Variants in ABCA10 observed in about 807,000 individuals in gnomAD.
ABCA10 encodes the protein ATP binding cassette subfamily A member 10, also known as ATP-binding cassette sub-family A member 10.
Under a neutral mutation model 187.5 loss-of-function variants are expected in ABCA10, and 169 were observed. The observed-to-expected ratio is 0.90, with a 90% CI of 0.80 to 1.02. ABCA10 has a LOEUF of 1.02. ABCA10 is among the 50% of genes least tolerant of loss of function. The pLI, the probability that ABCA10 is intolerant of heterozygous loss-of-function variation, is 0.00. For synonymous variants in ABCA10, 574 were observed against 601.8 expected (o/e 0.95, Z 0.68); for missense variants, 1,727 against 1,812.4 (o/e 0.95, Z 0.86).
In ABCA10 at chr17:69,181,993, C is replaced by T. The variant is rs563212417; in HGVS notation, c.2769+160G>A. Among the ~76,000 whole-genome samples the T allele has an allele frequency of 8.5e-5, 13 of 152,140 alleles. No individual in the cohort carries two copies. The South Asian group carries it at 2.7e-3, about 32-fold the overall frequency. On this transcript the variant is annotated intron_variant, in intron 22 of 38. Coordinates refer to ENST00000690296, the MANE Select transcript of ABCA10 (RefSeq NM_001377321.1). The stretch of plus-strand genomic sequence containing the variant: ...ATTCTATAAAGTAGGTACTATTACG[C>T]TCCCTACTTTGCAGATGAAGACACA...
intron 18 of ABCA10, among the ~76,000 whole-genome samples, chr17:69,188,201 T>C (rs1022812658): frequency 3.9e-5 from 6 of 152,162 alleles, no homozygotes; most frequent in Non-Finnish European, 1.5e-5. Flanking sequence ...CAAATTTATG[T>C]AGCTGAGTTT....
At chr17:69,194,761 T>A (rs1250588322) in intron 11 of ABCA10, among the ~76,000 whole-genome samples, 1 of 152,180 alleles carries the variant, frequency 6.6e-6, no homozygotes, top group Non-Finnish European at 1.5e-5. Context: ...TCTATACACT[T>A]AATATTAAAT....
rs751253340 is a variant in ABCA10, at chr17:69,152,454, G to A, written c.4164C>T (p.Asn1388=). Residue 1388 remains asparagine (N), a synonymous_variant, in exon 35 of 39, where the codon AAC becomes AAT. Coordinates refer to ENST00000690296, the MANE Select transcript of ABCA10 (RefSeq NM_001377321.1). The part of the protein sequence containing the change: ...MWQILQATVK[N]KERGTLLTTH... ...TGGTCAAGAGGGTGCCCCTCTCCTT[G>A]TTTTTAACGGTAGCCTGAAGTATCT... The A allele has an allele frequency of 6.2e-7, 1 of 1,613,688 alleles. No homozygotes were observed. The highest frequency in any genetic ancestry group is 8.5e-7 in the Non-Finnish European group (1 of 1,179,812).
At chr17:69,152,231 C>T (rs1382905677) in intron 35 of ABCA10, 48 bp from the exon 36 acceptor site, 1 of 1,585,204 alleles carries the variant, frequency 6.3e-7, no homozygotes, top group Non-Finnish European at 8.5e-7. Flanking sequence ...TAATTTCTTC[C>T]TCGGTTCTCA....
chr17:69,187,984 GT>G, intron 18 of ABCA10, 105 bp from the exon 19 acceptor site: 1 of 986,718 alleles, frequency 1.0e-6, no homozygotes, highest in Non-Finnish European at 1.5e-6. Flanking sequence ...CTTCCAACAA[GT>G]TAAGCTACTG....
intron 36 of ABCA10, 27 bp downstream of exon 36, chr17:69,152,016 G>A (rs1233559114): frequency 1.9e-6 from 3 of 1,597,658 alleles, no homozygotes; most frequent in Admixed American, 1.8e-5. Context: ...ACTCATACTT[G>A]TCACTCAAAC....
intron 1 of ABCA10, among the ~76,000 whole-genome samples, chr17:69,241,496 C>T (rs1050855706): frequency 1.3e-5 from 2 of 152,200 alleles, no homozygotes; most frequent in South Asian, 2.1e-4. Flanking sequence ...CATTGAATGT[C>T]AATAAAATGT....
intron 25 of ABCA10, among the ~76,000 whole-genome samples, chr17:69,172,344 A>G (rs142962862): frequency 1.9e-4 from 29 of 152,310 alleles, no homozygotes; most frequent in African/African-American, 6.5e-4. Context: ...TGGGTAATTA[A>G]GTTTAAAGGA....
At position 69,187,881 on chromosome 17, in the gene ABCA10, T is replaced by A; in HGVS notation, c.2132-2A>T. 2 of 1,612,314 alleles carry A rather than the reference T, an allele frequency of 1.2e-6. No individual in the cohort carries two copies. Among genetic ancestry groups the A allele is most frequent in the Non-Finnish European group, 1.7e-6 (2 of 1,178,596 alleles). On this transcript the variant is annotated splice_acceptor_variant, in intron 18 of 38. Transcript: ENST00000690296. LOFTEE classifies it high-confidence loss of function. The stretch of plus-strand genomic sequence containing the variant: ...TCTCTTGTTTCCCAATGTCAAAATC[T>A]ACAATCATGTAATAAAACATTTTAA...
chr17:69,226,247 G>A (rs1055866113), intron 2 of ABCA10, among the ~76,000 whole-genome samples: 2 of 152,052 alleles, frequency 1.3e-5, no homozygotes, highest in Non-Finnish European at 2.9e-5. Flanking sequence ...GTTAACAGCT[G>A]TCAAATCTGG....
In ABCA10 at chr17:69,154,009, C is replaced by A. The variant is rs1265994874; in HGVS notation, c.3787G>T (p.Val1263Leu). Residue 1263 changes from valine to leucine, a missense_variant and splice_region_variant, in exon 32 of 39, where the codon GTG becomes TTG. Coordinates refer to ENST00000690296, the MANE Select transcript of ABCA10 (RefSeq NM_001377321.1). ...GATGCTCTGCTGCCTTGTAACACCA[C>A]CTGCACAAGACAATGAATGTCAGAT... ...TGCTKPTAGV[V>L]VLQGSRASVR... 1 of 1,613,102 alleles carries A rather than the reference C, an allele frequency of 6.2e-7. No homozygotes were observed. Among genetic ancestry groups the A allele is most frequent in the Admixed American group, 1.7e-5 (1 of 59,954 alleles).
intron 1 of ABCA10, among the ~76,000 whole-genome samples, chr17:69,235,618 A>C (rs2074863681): frequency 6.6e-6 from 1 of 152,030 alleles, no homozygotes. Context: ...TGGGACCAGA[A>C]AGGTATCCCT....
intron 17 of ABCA10, among the ~76,000 whole-genome samples, chr17:69,190,872 T>A (rs993784192): frequency 1.3e-5 from 2 of 151,946 alleles, no homozygotes; most frequent in Admixed American, 6.6e-5. Context: ...TACATATATT[T>A]TAAAAGATAA....
chr17:69,151,482 A>C (rs1015335626), intron 36 of ABCA10, among the ~76,000 whole-genome samples: 4 of 152,180 alleles, frequency 2.6e-5, no homozygotes, highest in African/African-American at 9.6e-5. Context: ...ATACAAGAAA[A>C]TTCTGTTCAT....
At position 69,191,271 on chromosome 17, in the gene ABCA10, A is replaced by G; in HGVS notation, c.1916T>C (p.Leu639Pro). The G allele has an allele frequency of 6.2e-7, 1 of 1,604,824 alleles. No individual in the cohort carries two copies. Among genetic ancestry groups the G allele is most frequent in the Non-Finnish European group, 8.5e-7 (1 of 1,174,632 alleles). The change falls in exon 17 of 39, where the codon CTT (leucine) becomes CCT (proline). Residue 639 changes from leucine to proline, a missense_variant. By Grantham distance (98) the Leu-to-Pro change is moderately conservative. Coordinates refer to ENST00000690296, the MANE Select transcript of ABCA10 (RefSeq NM_001377321.1). ...GGCATCAGGAATGTGCTGCTTAATA[A>G]GGGATGTGATTTTTTCTGTGTCACA... Reference protein sequence around the residue: ...EMCDTEKITSLIKQHIPDAKL... With the variant: ...EMCDTEKITSPIKQHIPDAKL...
chr17:69,214,824 C>T lies in ABCA10; in HGVS notation c.886G>A (p.Gly296Ser), dbSNP rs778190408. 5 of 1,501,288 alleles carry T rather than the reference C, an allele frequency of 3.3e-6. No homozygotes were observed. The South Asian group carries it at 6.6e-5, about 20-fold the overall frequency. 93.0% of individuals were successfully genotyped at this position (1,501,288 alleles called of 1,614,324 possible). A position where few individuals can be genotyped will look rare whatever the true frequency, so the allele number is the denominator to read the frequency against. The change falls in exon 9 of 39, where the codon GGT becomes AGT. Residue 296 changes from glycine to serine, a missense_variant. Physicochemically the swap from Gly to Ser is moderately conservative, Grantham distance 56 (BLOSUM62 0). Coordinates refer to ENST00000690296, the MANE Select transcript of ABCA10 (RefSeq NM_001377321.1). ...QITHLDNYLS[G>S]VIFPDPSGDS... ...CCAGAGGGATCAGGAAAAATAACAC[C>T]ACTTAAGTAATTATCCAGGTGTGTA...
At chr17:69,162,838 C>CATATATATATATATAT (rs376385505) in intron 27 of ABCA10, among the ~76,000 whole-genome samples, 1 of 120,836 alleles carries the variant, frequency 8.3e-6, no homozygotes, top group African/African-American at 3.7e-5. Flanking sequence ...TATACATATA[C>CATATATATATATATAT]ATATATATAT....
At chr17:69,195,027 T>G (rs1469266249) in intron 11 of ABCA10, among the ~76,000 whole-genome samples, 2 of 152,210 alleles carry the variant, frequency 1.3e-5, no homozygotes, top group African/African-American at 4.8e-5. Flanking sequence ...GGCATGATAT[T>G]TAGAAATATC....
intron 1 of ABCA10, among the ~76,000 whole-genome samples, chr17:69,228,220 T>C (rs2074808217): frequency 6.6e-6 from 1 of 151,816 alleles, no homozygotes; most frequent in African/African-American, 2.4e-5. Flanking sequence ...CAAAAACATT[T>C]TAAAAGAACA....
Sources: allele counts gnomAD v4.1 joint callset (sites outside exome capture counted in the v4.1 genomes callset), GRCh38; gene constraint gnomAD v4.1.1; transcripts MANE v1.5; gene names NCBI Gene and HGNC (gene_info 2026-07-23, HGNC 2026-07-21).